The following CAMK4 variants were observed in gnomAD, a reference collection of about 807,000 sequenced individuals.
The protein encoded by CAMK4 is calcium/calmodulin dependent protein kinase IV.
A neutral mutation model predicts 44.9 loss-of-function variants in CAMK4; 22 were observed. That is an observed-to-expected ratio of 0.49 (90% confidence interval 0.35 to 0.70). CAMK4 has a LOEUF of 0.70. CAMK4 is among the 30% of genes least tolerant of loss of function. The probability of loss-of-function intolerance (pLI) is 0.01; values close to 1 mark genes in which losing one functional copy is unlikely to be tolerated. For synonymous variants in CAMK4, 218 were observed against 215.4 expected (o/e 1.01, Z -0.11); for missense variants, 498 against 586.8 (o/e 0.85, Z 1.56).
intron 1 of CAMK4, among the ~76,000 whole-genome samples, chr5:111,242,444 C>T (rs549125689): frequency 6.4e-4 from 98 of 151,980 alleles, no homozygotes; most frequent in Non-Finnish European, 5.1e-4. Flanking sequence ...TAAATCCGTT[C>T]CCTCCTCTGT....
At chr5:111,291,382 G>C (rs757502733) in intron 1 of CAMK4, among the ~76,000 whole-genome samples, 5 of 152,028 alleles carry the variant, frequency 3.3e-5, no homozygotes, top group Non-Finnish European at 5.9e-5. Context: ...TTTCTCTCTT[G>C]ATATCTATAG....
intron 5 of CAMK4, among the ~76,000 whole-genome samples, chr5:111,429,777 C>CAAAAAAAAAAAAAA (rs70973607): frequency 3.8e-4 from 10 of 26,350 alleles, no homozygotes; most frequent in African/African-American, 5.8e-4. Context: ...GACCTCATCT[C>CAAAAAAAAAAAAAA]AAAAAAAAAA....
intron 5 of CAMK4, among the ~76,000 whole-genome samples, chr5:111,427,998 G>A (rs1268342883): frequency 6.6e-6 from 1 of 152,244 alleles, no homozygotes; most frequent in African/African-American, 2.4e-5. Flanking sequence ...CCACAGGGGT[G>A]CTTGTGTCAC....
rs73789805 is a variant in CAMK4 at position 111,391,222 on chromosome 5, A to C, written c.387-3488A>C. On this transcript the variant is annotated intron_variant, in intron 4 of 10. Transcript: ENST00000282356. ...AGAGACGGTAAAGGCAAGGGAATGA[A>C]GTTCCAGGGGAGGGGAAGAGATCTC... is the stretch of plus-strand genomic sequence containing the variant. 7.4e-3 allele frequency among the ~76,000 whole-genome samples: 1,130 copies of C among 152,246 alleles called. 14 individuals carry two copies. Among genetic ancestry groups the C allele is most frequent in the African/African-American group, 0.026 (1,064 of 41,552 alleles).
chr5:111,369,692 C>G (rs1011156976), intron 2 of CAMK4, among the ~76,000 whole-genome samples: 10 of 152,020 alleles, frequency 6.6e-5, no homozygotes, highest in African/African-American at 2.4e-4. Context: ...GGTTCCAAGA[C>G]CCCTGCAGAT....
At chr5:111,392,594 A>C (rs1751841735) in intron 4 of CAMK4, among the ~76,000 whole-genome samples, 1 of 152,192 alleles carries the variant, frequency 6.6e-6, no homozygotes, top group African/African-American at 2.4e-5. Context: ...TGGAAAAAAA[A>C]TTAAAATTAA....
In CAMK4 at chr5:111,493,963, T is replaced by C. The variant is rs1755960075; in HGVS notation, c.*9497T>C. ...TACAAAAATCGTAAGTTAGCAGACA[T>C]TGAGAAAGGAAAACTTCCTACTTGG... On this transcript the variant is annotated 3_prime_UTR_variant, in exon 11 of 11. Transcript: ENST00000282356. The surrounding 1 kb of genome is among the most constrained non-coding windows in gnomAD (Gnocchi z 4.1). The C allele has an allele frequency of 6.6e-6, 1 of 152,176 alleles. No individual in the cohort carries two copies. The highest frequency in any genetic ancestry group is 2.4e-5 in the African/African-American group (1 of 41,454). The allele number at this position is 152,176 out of a possible 1,614,324, so 9.4% of individuals were successfully genotyped here.
At chr5:111,342,788 G>C (rs903109666) in intron 1 of CAMK4, among the ~76,000 whole-genome samples, 1 of 151,260 alleles carries the variant, frequency 6.6e-6, no homozygotes, top group African/African-American at 2.4e-5. Flanking sequence ...CATTGCCATA[G>C]GTTACATAAT....
At chr5:111,276,957 C>T (rs770050815) in intron 1 of CAMK4, among the ~76,000 whole-genome samples, 6 of 152,134 alleles carry the variant, frequency 3.9e-5, no homozygotes, top group Non-Finnish European at 8.8e-5. Flanking sequence ...GCAATTTGAT[C>T]TTAAAATTGC....
chr5:111,414,062 A>G (rs1374789627), intron 5 of CAMK4, among the ~76,000 whole-genome samples: 1 of 152,164 alleles, frequency 6.6e-6, no homozygotes, highest in East Asian at 1.9e-4. Context: ...TCTGAAGCAA[A>G]TTTGTAACTT....
At chr5:111,395,451 CT>C (rs369721733) in intron 5 of CAMK4, among the ~76,000 whole-genome samples, 1,478 of 136,394 alleles carry the variant, frequency 0.011, 7 homozygotes, top group Non-Finnish European at 0.017. Flanking sequence ...TTGTTCATTG[CT>C]TTTTTTTTTT....
In CAMK4 at chr5:111,290,821, A is replaced by C. The variant is rs1442183268; in HGVS notation, c.162-53203A>C. Among the ~76,000 whole-genome samples the C allele has an allele frequency of 6.6e-6, 1 of 152,190 alleles. No individual in the cohort carries two copies. Among genetic ancestry groups the C allele is most frequent in the Non-Finnish European group, 1.5e-5 (1 of 68,036 alleles). The stretch of plus-strand genomic sequence containing the variant: ...ACTAATACCTGGGGAGTAGAAAATC[A>C]CACGTCTCTTGGAGGTTTATTTAAA... On this transcript the variant is annotated intron_variant, in intron 1 of 10. Transcript: ENST00000282356. The surrounding 1 kb of genome is among the most constrained non-coding windows in gnomAD (Gnocchi z 4.5).
rs1347479631 is a variant in CAMK4, at chr5:111,492,721, G to T, written c.*8255G>T. ...AATTTTCCCTGTGAACTTTCACTGA[G>T]AAACTATTATATGCCATGGAGGAGT... On this transcript the variant is annotated 3_prime_UTR_variant, in exon 11 of 11. Transcript: ENST00000282356. The T allele has an allele frequency of 6.6e-6, 1 of 152,154 alleles. No homozygotes were observed. The highest frequency in any genetic ancestry group is 1.9e-4 in the East Asian group (1 of 5,196). 9.4% of individuals were successfully genotyped at this position (152,154 alleles called of 1,614,324 possible). A position where few individuals can be genotyped will look rare whatever the true frequency, so the allele number is the denominator to read the frequency against.
chr5:111,440,393 G>A (rs3797742), intron 5 of CAMK4, among the ~76,000 whole-genome samples: 120,258 of 152,144 alleles, frequency 0.79, 47,882 homozygotes, highest in Non-Finnish European at 0.81. Flanking sequence ...TTTTTGTTAC[G>A]TAGTTGACAA....
At chr5:111,428,709 T>C (rs1753321104) in intron 5 of CAMK4, among the ~76,000 whole-genome samples, 1 of 151,798 alleles carries the variant, frequency 6.6e-6, no homozygotes, top group South Asian at 2.1e-4. Context: ...TAAAAAACAG[T>C]GAAGCACACC....
At chr5:111,479,895 A>G (rs1275096516) in intron 9 of CAMK4, among the ~76,000 whole-genome samples, 2 of 151,696 alleles carry the variant, frequency 1.3e-5, no homozygotes, top group Non-Finnish European at 2.9e-5. Flanking sequence ...CACTGCCCCA[A>G]CCTCCTATCT....
chr5:111,312,288 C>G (rs1398986859), intron 1 of CAMK4, among the ~76,000 whole-genome samples: 1 of 152,138 alleles, frequency 6.6e-6, no homozygotes, highest in Non-Finnish European at 1.5e-5. Context: ...TAGGCGTAGA[C>G]TTTAATACTA....
Position 111,482,868 on chromosome 5 carries a change from A to G in CAMK4, c.912A>G (p.Ala304=). ...AGCATCCGTGGGTCACAGGTAAAGC[A>G]GCCAATTTTGTACACATGGATACCG... ...ALQHPWVTGK[A]ANFVHMDTAQ... Residue 304 remains alanine (A), a synonymous_variant, in exon 10 of 11, where the codon GCA becomes GCG. Coordinates refer to ENST00000282356, the MANE Select transcript of CAMK4 (RefSeq NM_001744.6). The surrounding 1 kb of genome is among the most constrained non-coding windows in gnomAD (Gnocchi z 4.9). 6.2e-7 allele frequency: 1 copy of G among 1,613,784 alleles called. No individual in the cohort carries two copies. The highest frequency in any genetic ancestry group is 1.7e-4 in the Middle Eastern group (1 of 6,060).
At chr5:111,315,526 C>CTAG (rs1262552567) in intron 1 of CAMK4, among the ~76,000 whole-genome samples, 1 of 152,090 alleles carries the variant, frequency 6.6e-6, no homozygotes. Context: ...TGGCACTGGG[C>CTAG]TAGGACCTTT....
Sources: gnomAD v4.1 joint callset for allele counts (sites outside exome capture counted in the v4.1 genomes callset) on GRCh38, gnomAD v4.1.1 for gene constraint, Gnocchi (gnomAD v3.1) non-coding constraint, MANE v1.5 for transcripts, NCBI Gene and HGNC (gene_info 2026-07-23, HGNC 2026-07-21) for gene names.